Variants in DGUOK observed in about 807,000 individuals in gnomAD.
The protein encoded by DGUOK is deoxyguanosine kinase.
In DGUOK, 30 loss-of-function variants were observed where a neutral mutation model predicts 36.6. The ratio of observed to expected loss-of-function variants is 0.82; its 90% CI spans 0.61 to 1.11. The LOEUF (loss-of-function observed/expected upper bound fraction) is 1.11, where lower values mean the gene tolerates loss of function less well. Among genes scored for constraint, DGUOK ranks in the 50% most tolerant of loss-of-function variants. DGUOK has a pLI of 0.00. For missense variants in DGUOK, 361 were observed against 336.4 expected (o/e 1.07, Z -0.57); for synonymous variants, 145 against 126.3 (o/e 1.15, Z -0.99).
At chr2:73,938,248 A>G (rs1267232889) in intron 1 of DGUOK, among the ~76,000 whole-genome samples, 1 of 152,118 alleles carries the variant, frequency 6.6e-6, no homozygotes, top group Non-Finnish European at 1.5e-5. Context: ...GTCATCTTTT[A>G]GGTCTTACCT....
At chr2:73,927,266 T>C (rs555185123) in intron 1 of DGUOK, among the ~76,000 whole-genome samples, 6 of 152,332 alleles carry the variant, frequency 3.9e-5, no homozygotes, top group Non-Finnish European at 8.8e-5. Context: ...CAGGAACATA[T>C]TTGTTGGGGC....
intron 3 of DGUOK, 61 bp from the exon 4 acceptor site, chr2:73,950,524 G>A (rs938889819): frequency 9.6e-6 from 15 of 1,563,844 alleles, no homozygotes; most frequent in Admixed American, 3.3e-5. Flanking sequence ...TCTCTCTCTC[G>A]TGCCTTTCAT....
intron 1 of DGUOK, among the ~76,000 whole-genome samples, chr2:73,934,706 G>T (rs1045920275): frequency 6.8e-6 from 1 of 148,134 alleles, no homozygotes; most frequent in African/African-American, 2.5e-5. Context: ...AGTGAGCCGA[G>T]ATCACCCCAC....
At position 73,958,155 on chromosome 2, in the gene DGUOK, T is replaced by G. The variant is rs893616877; in HGVS notation, c.717T>G (p.Phe239Leu). 5.0e-6 allele frequency: 8 copies of G among 1,613,590 alleles called. No homozygotes were observed. The African/African-American group carries it at 9.3e-5, about 19-fold the overall frequency. ...WLIHKTTKLHFEALMNIPVLV... is the reference protein window; with the variant it reads ...WLIHKTTKLHLEALMNIPVLV... Reference sequence around the variant, plus strand: ...TTCACGCTTCTTATAGGCTCCACTTTGAGGCTCTGATGAACATTCCAGTGC... The same window carrying G: ...TTCACGCTTCTTATAGGCTCCACTTGGAGGCTCTGATGAACATTCCAGTGC... Residue 239 changes from phenylalanine to leucine, a missense_variant, in exon 6 of 7, where the codon TTT becomes TTG. By Grantham distance (22) the Phe-to-Leu change is conservative. Coordinates refer to ENST00000264093, the MANE Select transcript of DGUOK (RefSeq NM_080916.3).
intron 6 of DGUOK, 117 bp from the exon 7 acceptor site, chr2:73,958,590 CTAT>C (rs1208228267): frequency 4.8e-6 from 4 of 839,048 alleles, no homozygotes; most frequent in Non-Finnish European, 6.1e-6. Context: ...TTCTCCATGC[CTAT>C]TATTTTCCTT....
At chr2:73,946,319 A>T (rs1415015022) in intron 2 of DGUOK, among the ~76,000 whole-genome samples, 2 of 152,204 alleles carry the variant, frequency 1.3e-5, no homozygotes, top group Admixed American at 6.5e-5. Flanking sequence ...CTCAAAAGAG[A>T]GGCAACATAG....
In DGUOK at chr2:73,950,584, G is replaced by C; in HGVS notation, c.444-1G>C. The C allele has an allele frequency of 6.2e-7, 1 of 1,614,012 alleles. No homozygotes were observed. The highest frequency in any genetic ancestry group is 8.5e-7 in the Non-Finnish European group (1 of 1,179,992). The stretch of plus-strand genomic sequence containing the variant: ...CCCATTCCCATCCCACTTCCAACCA[G>C]GTATATCTTTGCAAAGAATCTTTTT... On this transcript the variant is annotated splice_acceptor_variant, in intron 3 of 6. Transcript: ENST00000264093. LOFTEE classifies it high-confidence loss of function.
intron 3 of DGUOK, chr2:73,947,205 A>G (rs1422834225): frequency 3.6e-5 from 15 of 420,064 alleles, no homozygotes; most frequent in Non-Finnish European, 6.7e-5. Flanking sequence ...CACCTAATGT[A>G]ACCATCACAT....
chr2:73,955,368 A>C (rs1343111135), intron 4 of DGUOK, among the ~76,000 whole-genome samples: 1 of 152,208 alleles, frequency 6.6e-6, no homozygotes, highest in African/African-American at 2.4e-5. Context: ...TCTGGTGGGA[A>C]TATAAATTGG....
intron 5 of DGUOK, among the ~76,000 whole-genome samples, chr2:73,957,615 G>A (rs1346621358): frequency 1.3e-5 from 2 of 152,156 alleles, no homozygotes; most frequent in Admixed American, 6.5e-5. Flanking sequence ...CAAAGATTGC[G>A]GTGAGCCGAG....
chr2:73,950,753 T>C (rs771235642), intron 4 of DGUOK, 21 bp downstream of exon 4: 17 of 1,614,078 alleles, frequency 1.1e-5, no homozygotes, highest in Non-Finnish European at 1.4e-5. Context: ...ACCTACAACC[T>C]TAGACTTTAG....
At chr2:73,930,417 C>A (rs1680916729) in intron 1 of DGUOK, among the ~76,000 whole-genome samples, 1 of 152,094 alleles carries the variant, frequency 6.6e-6, no homozygotes, top group Non-Finnish European at 1.5e-5. Flanking sequence ...AAGGGAGAGT[C>A]CTGCTATTTG....
intron 3 of DGUOK, among the ~76,000 whole-genome samples, chr2:73,949,884 G>A (rs1682587022): frequency 6.6e-6 from 1 of 152,176 alleles, no homozygotes; most frequent in Admixed American, 6.5e-5. Context: ...GAAATAAGCA[G>A]GGGGCAAAGC....
chr2:73,953,277 G>GATC (rs796210296), intron 4 of DGUOK, among the ~76,000 whole-genome samples: 50 of 147,232 alleles, frequency 3.4e-4, no homozygotes, highest in African/African-American at 9.2e-4. Flanking sequence ...TGATGATGAT[G>GATC]ATCATCATCA....
At chr2:73,947,484 A>G (rs1423715047) in intron 3 of DGUOK, among the ~76,000 whole-genome samples, 3 of 152,056 alleles carry the variant, frequency 2.0e-5, no homozygotes, top group Non-Finnish European at 2.9e-5. Flanking sequence ...TGCTGGCCAG[A>G]GTCTAGTGGA....
At chr2:73,956,409 A>G (rs1025983677) in intron 4 of DGUOK, among the ~76,000 whole-genome samples, 2 of 152,220 alleles carry the variant, frequency 1.3e-5, no homozygotes, top group Middle Eastern at 3.2e-3. Flanking sequence ...CCCTGGGGCT[A>G]TGGCTGTAGG....
Position 73,926,969 on chromosome 2 carries a change from A to C in DGUOK, c.59A>C (p.Lys20Thr). The C allele has an allele frequency of 6.2e-7, 1 of 1,613,220 alleles. No homozygotes were observed. Among genetic ancestry groups the C allele is most frequent in the Non-Finnish European group, 8.5e-7 (1 of 1,180,034 alleles). ...CGAGCACCCTTCAGTTCCATGGCCAAGAGCCCACTCGAGGGCGTTTCCTCC... is the reference window on the plus strand; with the variant it reads ...CGAGCACCCTTCAGTTCCATGGCCACGAGCCCACTCGAGGGCGTTTCCTCC... ...RLRAPFSSMAKSPLEGVSSSR... is the reference protein window; with the variant it reads ...RLRAPFSSMATSPLEGVSSSR... The change falls in exon 1 of 7, where the codon AAG (lysine) becomes ACG (threonine). Residue 20 changes from lysine to threonine, a missense_variant. Coordinates refer to ENST00000264093, the MANE Select transcript of DGUOK (RefSeq NM_080916.3).
At chr2:73,933,756 T>G (rs539367836) in intron 1 of DGUOK, among the ~76,000 whole-genome samples, 1 of 152,260 alleles carries the variant, frequency 6.6e-6, no homozygotes, top group Non-Finnish European at 1.5e-5. Context: ...TACTCAGTCT[T>G]GGGGTTGGAA....
chr2:73,949,252 A>G (rs930297117), intron 3 of DGUOK, among the ~76,000 whole-genome samples: 1 of 152,138 alleles, frequency 6.6e-6, no homozygotes, highest in African/African-American at 2.4e-5. Context: ...GTGCGTGGCC[A>G]CTTTATAGGA....
Sources: gnomAD v4.1 joint callset for allele counts (sites outside exome capture counted in the v4.1 genomes callset) on GRCh38, gnomAD v4.1.1 for gene constraint, MANE v1.5 for transcripts, NCBI Gene and HGNC (gene_info 2026-07-23, HGNC 2026-07-21) for gene names.